NLRP14: variants seen among roughly 807,000 people sequenced by gnomAD.
NLRP14 encodes the protein NLR family pyrin domain containing 14, also known as NACHT, LRR and PYD domains-containing protein 14.
Under a neutral mutation model 94.7 loss-of-function variants are expected in NLRP14, and 105 were observed. That is an observed-to-expected ratio of 1.11 (90% CI 0.95 to 1.30). NLRP14 has a LOEUF of 1.30. NLRP14 is among the 50% of genes most tolerant of loss of function. The pLI is 0.00. For missense variants in NLRP14, 1,362 were observed against 1,254.1 expected, an observed-to-expected ratio of 1.09 and a Z score of -1.30; for synonymous variants, 508 against 459.9, an observed-to-expected ratio of 1.10 and a Z score of -1.34.
chr11:7,023,347 AATT>A (rs1164681826), intron 1 of NLRP14, among the ~76,000 whole-genome samples: 5 of 146,886 alleles, frequency 3.4e-5, no homozygotes, highest in Non-Finnish European at 7.5e-5. Flanking sequence ...ATATAATTTT[AATT>A]ATATTACATA....
chr11:7,038,450 G>A, intron 1 of NLRP14, 116 bp from the exon 2 acceptor site: 1 of 820,090 alleles, frequency 1.2e-6, no homozygotes, highest in Non-Finnish European at 2.0e-6. Flanking sequence ...CTAATACAGT[G>A]GGCTTCTGCA....
Position 7,060,004 on chromosome 11 carries a change from A to C in NLRP14, c.2744A>C (p.Asn915Thr). The C allele has an allele frequency of 6.2e-7, 1 of 1,612,882 alleles. No homozygotes were observed. The highest frequency in any genetic ancestry group is 8.5e-7 in the Non-Finnish European group (1 of 1,179,060). The change falls in exon 9 of 12, where the codon AAT becomes ACT. Residue 915 changes from asparagine (N) to threonine (T), a missense_variant. Coordinates refer to ENST00000299481, the MANE Select transcript of NLRP14 (RefSeq NM_176822.4). ...CTAGGATCAAACTGGCTACAAGACA[A>C]TGGAGTGAAGCTTCTGTGTGATGTC... is the stretch of plus-strand genomic sequence containing the variant. ...LDLGSNWLQD[N>T]GVKLLCDVFR...
At chr11:7,050,478 A>G (rs1852426339) in intron 6 of NLRP14, among the ~76,000 whole-genome samples, 1 of 152,038 alleles carries the variant, frequency 6.6e-6, no homozygotes, top group African/African-American at 2.4e-5. Context: ...TTTTTCAATG[A>G]AAGTCAATGA....
At position 7,070,436 on chromosome 11, in the gene NLRP14, G is replaced by A; in HGVS notation, c.3126G>A (p.Lys1042=). ...VKLYKVLKSP[K]CKLQVLGLCK... Reference sequence around the variant, plus strand: ...TATATAAAGTCTTGAAGTCTCCTAAGTGTAAACTACAAGTTCTAGGGTAAG... The same window carrying A: ...TATATAAAGTCTTGAAGTCTCCTAAATGTAAACTACAAGTTCTAGGGTAAG... The change falls in exon 11 of 12, where the codon AAG becomes AAA. Residue 1042 remains lysine (K), a synonymous_variant. Coordinates refer to ENST00000299481, the MANE Select transcript of NLRP14 (RefSeq NM_176822.4). 3 of 1,611,542 alleles carry A rather than the reference G, an allele frequency of 1.9e-6. No homozygotes were observed. The highest frequency in any genetic ancestry group is 2.5e-6 in the Non-Finnish European group (3 of 1,178,004).
intron 10 of NLRP14, among the ~76,000 whole-genome samples, chr11:7,067,496 C>G (rs1962707): frequency 0.15 from 23,108 of 152,088 alleles, 2,147 homozygotes; most frequent in Non-Finnish European, 0.21. Flanking sequence ...TGATTTGGCT[C>G]TTTGTCTGTT....
At chr11:7,064,167 CAAGAG>C (rs890209857) in intron 10 of NLRP14, among the ~76,000 whole-genome samples, 8 of 152,242 alleles carry the variant, frequency 5.3e-5, no homozygotes, top group African/African-American at 1.4e-4. Context: ...GTTCTAGCAT[CAAGAG>C]AAGCTTGCAG....
chr11:7,078,004 A>C, the NLRP14 span, among the ~76,000 whole-genome samples: 1 of 152,184 alleles, frequency 6.6e-6, no homozygotes, highest in Non-Finnish European at 1.5e-5. Flanking sequence ...GTTTTGCAAG[A>C]CAAAGAGTTC....
intron 1 of NLRP14, 87 bp from the exon 2 acceptor site, chr11:7,038,479 C>A: frequency 9.2e-7 from 1 of 1,092,014 alleles, no homozygotes; most frequent in Non-Finnish European, 1.4e-6. Flanking sequence ...TTAAATTAAT[C>A]TATATAAGTA....
chr11:7,041,985 G>A (rs977627164), intron 3 of NLRP14, among the ~76,000 whole-genome samples: 2 of 147,920 alleles, frequency 1.4e-5, no homozygotes, highest in Non-Finnish European at 3.0e-5. Context: ...GGTCTGTCTT[G>A]GGGGTCTTCC....
In NLRP14 at chr11:7,043,473, G is replaced by A; in HGVS notation, c.1447G>A (p.Val483Ile). The A allele has an allele frequency of 6.2e-7, 1 of 1,614,180 alleles. No individual in the cohort carries two copies. Among genetic ancestry groups the A allele is most frequent in the Non-Finnish European group, 8.5e-7 (1 of 1,180,026 alleles). ...ENCYVFTHLHVQEFFAAMFYM... is the reference protein window; with the variant it reads ...ENCYVFTHLHIQEFFAAMFYM... ...CTGCTATGTGTTCACCCACCTTCAT[G>A]TTCAGGAGTTTTTTGCAGCTATGTT... is the stretch of plus-strand genomic sequence containing the variant. Residue 483 changes from valine to isoleucine, a missense_variant, in exon 4 of 12, where the codon GTT (valine) becomes ATT (isoleucine). Physicochemically the swap from Val to Ile is conservative, Grantham distance 29. Coordinates refer to ENST00000299481, the MANE Select transcript of NLRP14 (RefSeq NM_176822.4).
In NLRP14 at chr11:7,071,380, G is replaced by A. The variant is rs944358717; in HGVS notation, c.*72G>A. On this transcript the variant is annotated 3_prime_UTR_variant, in exon 12 of 12. Transcript: ENST00000299481. ...CATACATAGATATATACCCAGACTTGGGTGCTTAGCTTCAGATACTCTATG... is the reference window on the plus strand; with the variant it reads ...CATACATAGATATATACCCAGACTTAGGTGCTTAGCTTCAGATACTCTATG... 9.8e-6 allele frequency: 13 copies of A among 1,327,020 alleles called. No individual in the cohort carries two copies. In the Admixed American group the frequency reaches 2.4e-4, roughly 24 times the overall value. The allele number at this position is 1,327,020 out of a possible 1,614,324, so 82.2% of individuals were successfully genotyped here.
intron 2 of NLRP14, 23 bp downstream of exon 2, chr11:7,038,898 C>G: frequency 4.3e-6 from 7 of 1,610,612 alleles, no homozygotes; most frequent in Non-Finnish European, 5.9e-6. Flanking sequence ...AGGGGCAAAT[C>G]GGGGGCTAGG....
intron 10 of NLRP14, 22 bp from the exon 11 acceptor site, chr11:7,070,264 C>A: frequency 1.3e-6 from 2 of 1,580,146 alleles, no homozygotes; most frequent in Non-Finnish European, 1.7e-6. Context: ...TCATTTTTAT[C>A]TTTTGTCTCT....
intron 11 of NLRP14, 66 bp downstream of exon 11, chr11:7,070,522 T>A: frequency 9.0e-7 from 1 of 1,111,290 alleles, no homozygotes; most frequent in Non-Finnish European, 1.4e-6. Flanking sequence ...AGCCACTCAT[T>A]AATACAGGCC....
At position 7,071,308 on chromosome 11, in the gene NLRP14, A is replaced by G. The variant is rs1852794256; in HGVS notation, c.3282A>G (p.Ter1094TrpextTer11). The G allele has an allele frequency of 6.2e-7, 1 of 1,610,938 alleles. No individual in the cohort carries two copies. The highest frequency in any genetic ancestry group is 1.3e-5 in the African/African-American group (1 of 74,794). The stretch of plus-strand genomic sequence containing the variant: ...ATGTGTCTTGGTGGTGGTGTTTCTG[A>G]TTTGAAGAAACTGACATTCCTTTAA... The part of the protein sequence containing the change: ...EEDVSWWWCF[*>W] The change falls in exon 12 of 12, where the codon TGA becomes TGG. Residue 1094 changes from the stop codon to tryptophan (W), a stop_lost. Transcript: ENST00000299481.
At chr11:7,070,794 G>C (rs1285058720) in intron 11 of NLRP14, among the ~76,000 whole-genome samples, 2 of 152,148 alleles carry the variant, frequency 1.3e-5, no homozygotes, top group Non-Finnish European at 1.5e-5. Flanking sequence ...AGGTTATCAT[G>C]AGGATCTGAG....
In NLRP14 at chr11:7,043,586, T is replaced by C. The variant is rs375638152; in HGVS notation, c.1560T>C (p.Tyr520=). Residue 520 remains tyrosine, a synonymous_variant, in exon 4 of 12, where the codon TAT becomes TAC. Coordinates refer to ENST00000299481, the MANE Select transcript of NLRP14 (RefSeq NM_176822.4). ...DLKSLLQSTS[Y]KDPHLTQMKC... ...AGTCATTACTTCAAAGCACAAGTTA[T>C]AAAGACCCCCATTTGACACAGATGA... 6.2e-7 allele frequency: 1 copy of C among 1,614,212 alleles called. No homozygotes were observed. The highest frequency in any genetic ancestry group is 1.3e-5 in the African/African-American group (1 of 75,062).
At chr11:7,064,501 G>A (rs1416714395) in intron 10 of NLRP14, among the ~76,000 whole-genome samples, 1 of 150,702 alleles carries the variant, frequency 6.6e-6, no homozygotes, top group Non-Finnish European at 1.5e-5. Context: ...AGGTTCTAAA[G>A]TGTTCCATTC....
At chr11:7,087,927 C>G in the NLRP14 span, among the ~76,000 whole-genome samples, 14 of 152,074 alleles carry the variant, frequency 9.2e-5, no homozygotes, top group Admixed American at 3.3e-4. Context: ...ACCAGAAATA[C>G]GTAGCAATTC....
Sources: gnomAD v4.1 joint callset for allele counts (sites outside exome capture counted in the v4.1 genomes callset) on GRCh38, gnomAD v4.1.1 for gene constraint, MANE v1.5 for transcripts, NCBI Gene and HGNC (gene_info 2026-07-23, HGNC 2026-07-21) for gene names.